The following PODNL1 variants were observed in gnomAD, a reference collection of about 807,000 sequenced individuals.
The protein encoded by PODNL1 is podocan like 1.
PODNL1 carries 50 observed loss-of-function variants against 45.1 expected under a neutral mutation model. The ratio of observed to expected loss-of-function variants is 1.11; its 90% CI spans 0.88 to 1.40. PODNL1 has a LOEUF of 1.40. Among genes scored for constraint, PODNL1 ranks in the 40% most tolerant of loss-of-function variants. The probability of loss-of-function intolerance (pLI) is 0.00; values close to 1 mark genes in which losing one functional copy is unlikely to be tolerated. For synonymous variants in PODNL1, 406 were observed against 372.5 expected, an observed-to-expected ratio of 1.09 and a Z score of -1.04; for missense variants, 788 against 793.3, an observed-to-expected ratio of 0.99 and a Z score of 0.08.
upstream of PODNL1, among the ~76,000 whole-genome samples, chr19:13,940,798 G>A (rs1349335787): frequency 6.6e-6 from 1 of 151,884 alleles, no homozygotes; most frequent in East Asian, 1.9e-4. Context: ...GCAGGAAAAT[G>A]GCTTGAACTT....
rs1971977997 is a variant in PODNL1, at chr19:13,932,033, C to T, written c.1505G>A (p.Gly502Asp). 1 of 1,232,384 alleles carries T rather than the reference C, an allele frequency of 8.1e-7. No homozygotes were observed. The highest frequency in any genetic ancestry group is 3.1e-4 in the Middle Eastern group (1 of 3,208). The allele number at this position is 1,232,384 out of a possible 1,614,324, so 76.3% of individuals were successfully genotyped here. A position where few individuals can be genotyped will look rare whatever the true frequency, so the allele number is the denominator to read the frequency against. Residue 502 changes from glycine to aspartate, a missense_variant, in exon 9 of 10, where the codon GGC (glycine) becomes GAC (aspartate). This residue lies in a region of PODNL1 where 762 missense variants were observed against 750.9 expected (regional missense o/e 1.01). Transcript: ENST00000588872. ...GGGGCCCACGTGGCCGATGCGGTTG[C>T]CCTCGAGGTGCAGCTCCTCTAGGGC... is the stretch of plus-strand genomic sequence containing the variant. ...PEALEELHLE[G>D]NRIGHVGPEA...
In PODNL1 at chr19:13,933,853, C is replaced by T. The variant is rs763909873; in HGVS notation, c.767+25G>A. ...ACCCCCGACTGTAAATTCTCAGCCC[C>T]TGCTGCCCCCCAACCAGCCTGTACC... On this transcript the variant is annotated intron_variant, in intron 7 of 9. Coordinates refer to ENST00000588872, the MANE Select transcript of PODNL1 (RefSeq NM_001370095.3). This position sits in a 1 kb window ranked among gnomAD's most constrained non-coding sequence, Gnocchi z 5.2. 5.1e-6 allele frequency: 8 copies of T among 1,565,872 alleles called. No individual in the cohort carries two copies. The highest frequency in any genetic ancestry group is 1.9e-5 in the Admixed American group (1 of 54,000).
In PODNL1 at chr19:13,932,872, G is replaced by T. The variant is rs1041285651; in HGVS notation, c.1351C>A (p.Leu451Ile). Residue 451 changes from leucine (L) to isoleucine (I), a missense_variant, in exon 8 of 10, where the codon CTC (leucine) becomes ATC (isoleucine). Leu to Ile is a conservative substitution (Grantham distance 5). Around this residue, in one of 3 missense-constraint regions of PODNL1, gnomAD observed 762 missense variants for 750.9 expected, o/e 1.01. Transcript: ENST00000588872. ...PLAGLDQLRELSLAHNRLRVG... is the reference protein window; with the variant it reads ...PLAGLDQLREISLAHNRLRVG... ...CGGAGCCGGTTGTGCGCCAGGCTGA[G>T]CTCCCGCAGTTGGTCCAGGCCGGCC... 1 of 1,609,614 alleles carries T rather than the reference G, an allele frequency of 6.2e-7. No individual in the cohort carries two copies. Among genetic ancestry groups the T allele is most frequent in the Non-Finnish European group, 8.5e-7 (1 of 1,178,602 alleles).
chr19:13,934,857 TTG>T lies in PODNL1; in HGVS notation c.495-449_495-448del, dbSNP rs369934301. The stretch of plus-strand genomic sequence containing the variant: ...TGCCTGTGCATAAGTGTGCATGTGA[TTG>T]TGTGTGTGCAGCCGAGTGTGCAACT... On this transcript the variant is annotated intron_variant, in intron 5 of 9. Coordinates refer to ENST00000588872, the MANE Select transcript of PODNL1 (RefSeq NM_001370095.3). 2.6e-4 allele frequency among the ~76,000 whole-genome samples: 40 copies of T among 151,142 alleles called. No individual in the cohort carries two copies. The East Asian group carries it at 5.7e-3, about 21-fold the overall frequency.
In PODNL1 at chr19:13,934,408, G is replaced by A; in HGVS notation, c.497C>T (p.Ser166Phe). ...CAGCTGGTTGTTGTGGAGGTACACG[G>A]ACCTGAGGAGAGCCAGGCTCCGGCC... ...LTFGEKPALRSVYLHNNQLSN... is the reference protein window; with the variant it reads ...LTFGEKPALRFVYLHNNQLSN... The change falls in exon 6 of 10, where the codon TCC becomes TTC. Residue 166 changes from serine to phenylalanine, a missense_variant and splice_region_variant. Ser to Phe is a radical substitution (Grantham distance 155). Around this residue, in one of 3 missense-constraint regions of PODNL1, gnomAD observed 762 missense variants for 750.9 expected, o/e 1.01. Transcript: ENST00000588872. 1 of 1,518,462 alleles carries A rather than the reference G, an allele frequency of 6.6e-7. No individual in the cohort carries two copies. Among genetic ancestry groups the A allele is most frequent in the Non-Finnish European group, 8.8e-7 (1 of 1,132,128 alleles). The allele number at this position is 1,518,462 out of a possible 1,614,324, so 94.1% of individuals were successfully genotyped here.
intron 3 of PODNL1, 55 bp from the exon 4 acceptor site, chr19:13,936,099 G>T (rs1972332778): frequency 7.0e-7 from 1 of 1,436,992 alleles, no homozygotes; most frequent in African/African-American, 1.4e-5. Flanking sequence ...GGTGGAGGGG[G>T]AGTCTGGGCT....
In PODNL1 at chr19:13,951,359, G is replaced by C. The variant is rs185775223; in HGVS notation, c.18+1760C>G. Among the ~76,000 whole-genome samples the C allele has an allele frequency of 1.3e-3, 199 of 152,266 alleles. 1 individual carries two copies. The highest frequency in any genetic ancestry group is 2.5e-3 in the Non-Finnish European group (167 of 68,026). ...TTCAGAGGATTAAATGGGCTGGCCA[G>C]GGGTGGGGGCTCACACCTGTCCTCC... On this transcript the variant is annotated intron_variant, in intron 1 of 7. Coordinates refer to the PODNL1 transcript ENST00000538371.
At chr19:13,942,650 C>G (rs1972691698), upstream of PODNL1, among the ~76,000 whole-genome samples, 2 of 152,056 alleles carry the variant, frequency 1.3e-5, no homozygotes, top group African/African-American at 4.8e-5. Flanking sequence ...CAGCATGGAG[C>G]CTGGTATAAT....
intron 2 of PODNL1, 46 bp downstream of exon 2, chr19:13,937,739 C>T (rs762848643): frequency 3.3e-5 from 51 of 1,525,634 alleles, no homozygotes; most frequent in Non-Finnish European, 4.2e-5. Flanking sequence ...CCCCTCACCA[C>T]TGGGTCTCAG....
At chr19:13,943,250 C>T (rs779214342), upstream of PODNL1, among the ~76,000 whole-genome samples, 5 of 151,496 alleles carry the variant, frequency 3.3e-5, no homozygotes, top group African/African-American at 4.9e-5. Context: ...GAGCTGAGAT[C>T]GCGCCATTGC....
rs543861230 is a variant in PODNL1, at chr19:13,934,200, C to T, written c.651+54G>A. 80 of 1,476,418 alleles carry T rather than the reference C, an allele frequency of 5.4e-5. No individual in the cohort carries two copies. In the African/African-American group the frequency reaches 9.6e-4, roughly 18 times the overall value. The allele number at this position is 1,476,418 out of a possible 1,614,324, so 91.5% of individuals were successfully genotyped here. ...GAAAGCTAGGAACTGGAGGGGTCCC[C>T]CTGGAAAGAGGTGAAGAGAGTCTGG... On this transcript the variant is annotated intron_variant, in intron 6 of 9. Coordinates refer to ENST00000588872, the MANE Select transcript of PODNL1 (RefSeq NM_001370095.3).
At position 13,931,321 on chromosome 19, in the gene PODNL1, G is replaced by T. The variant is rs1971929430; in HGVS notation, c.*416C>A. ...ATCACACGTGGCTAGGTCGCACAGG[G>T]TGCTGTTTGGTGACCCCAGTGTGTG... On this transcript the variant is annotated 3_prime_UTR_variant, in exon 10 of 10. Transcript: ENST00000588872. The T allele has an allele frequency of 5.8e-6, 1 of 171,894 alleles. No individual in the cohort carries two copies. The highest frequency in any genetic ancestry group is 1.2e-5 in the Non-Finnish European group (1 of 81,712). The allele number at this position is 171,894 out of a possible 1,614,324, so 10.6% of individuals were successfully genotyped here. A position where few individuals can be genotyped will look rare whatever the true frequency, so the allele number is the denominator to read the frequency against.
At chr19:13,945,974 C>T (rs7246561) in intron 1 of PODNL1, among the ~76,000 whole-genome samples, 11,389 of 151,590 alleles carry the variant, frequency 0.075, 1,247 homozygotes, top group African/African-American at 0.24. Flanking sequence ...AGTGGGAAGA[C>T]TGCTTGAGCC....
Position 13,938,008 on chromosome 19 carries a change from T to G in PODNL1, c.4-2A>C, listed in dbSNP as rs1232751195. The G allele has an allele frequency of 6.6e-7, 1 of 1,517,908 alleles. No individual in the cohort carries two copies. Among genetic ancestry groups the G allele is most frequent in the Non-Finnish European group, 8.9e-7 (1 of 1,125,232 alleles). 94.0% of individuals were successfully genotyped at this position (1,517,908 alleles called of 1,614,324 possible). On this transcript the variant is annotated splice_acceptor_variant, in intron 1 of 9. Transcript: ENST00000588872. LOFTEE classifies it high-confidence loss of function. ...CAGGAGCAGCAGCAGGCTCGGCCAC[T>G]GCGGGGGAGGGAGGGTCAGCGTGTC...
intron 1 of PODNL1, among the ~76,000 whole-genome samples, chr19:13,945,114 G>A (rs907249277): frequency 1.8e-4 from 27 of 152,024 alleles, no homozygotes; most frequent in African/African-American, 6.3e-4. Flanking sequence ...AGCTCGCTAT[G>A]TTTCCCAGTC....
chr19:13,937,860 A>G lies in PODNL1; in HGVS notation c.150T>C (p.Thr50=), dbSNP rs1972479348. Residue 50 remains threonine, a synonymous_variant, in exon 2 of 10, where the codon ACT becomes ACC. Transcript: ENST00000588872. ...PLRCSCPRVD[T]VDCDGLDLRV... ...GAAGGTCCAAGCCATCACAGTCCAC[A>G]GTGTCGACTCGGGGGCAGGAGCAGC... The G allele has an allele frequency of 4.4e-6, 7 of 1,591,518 alleles. No homozygotes were observed. Among genetic ancestry groups the G allele is most frequent in the Non-Finnish European group, 6.0e-6 (7 of 1,170,482 alleles).
chr19:13,952,355 A>T, intron 1 of PODNL1: 1 of 1,045,460 alleles, frequency 9.6e-7, no homozygotes, highest in Non-Finnish European at 1.2e-6. Flanking sequence ...TACTGTCGCT[A>T]CCAATCAAGA....
Position 13,932,955 on chromosome 19 carries a change from C to A in PODNL1, c.1268G>T (p.Gly423Val). ...GCGTTGCAGCTGCAGGGTGCGCAGG[C>A]CAGTGGGCAGGCCCATGGGCAGCCG... ...LTRLPMGLPT[G>V]LRTLQLQRNQ... The change falls in exon 8 of 10, where the codon GGC becomes GTC. Residue 423 changes from glycine (G) to valine (V), a missense_variant. Transcript: ENST00000588872. The A allele has an allele frequency of 6.4e-7, 1 of 1,560,238 alleles. No individual in the cohort carries two copies. The highest frequency in any genetic ancestry group is 1.9e-5 in the Admixed American group (1 of 53,146).
intron 1 of PODNL1, among the ~76,000 whole-genome samples, chr19:13,944,310 C>T (rs1192395973): frequency 2.0e-5 from 3 of 150,786 alleles, no homozygotes; most frequent in East Asian, 3.9e-4. Flanking sequence ...TACAGGCACC[C>T]GCCACCATGC....
Sources: gnomAD v4.1 joint callset for allele counts (sites outside exome capture counted in the v4.1 genomes callset) on GRCh38, gnomAD v4.1.1 for gene constraint, gnomAD v4.1.1 regional missense constraint, Gnocchi (gnomAD v3.1) non-coding constraint, MANE v1.5 for transcripts, NCBI Gene and HGNC (gene_info 2026-07-23, HGNC 2026-07-21) for gene names.